Variants in AGBL1 observed in about 807,000 individuals in gnomAD.
The protein encoded by AGBL1 is cytosolic carboxypeptidase 4.
AGBL1 carries 130 observed loss-of-function variants against 118.9 expected under a neutral mutation model. The observed-to-expected ratio is 1.09, with a 90% CI of 0.95 to 1.26. The LOEUF (loss-of-function observed/expected upper bound fraction) is 1.26, where lower values mean the gene tolerates loss of function less well. Among genes scored for constraint, AGBL1 ranks in the 50% most tolerant of loss-of-function variants. The probability of loss-of-function intolerance (pLI) is 0.00; values close to 1 mark genes in which losing one functional copy is unlikely to be tolerated. For missense variants in AGBL1, 1,584 were observed against 1,298.1 expected (o/e 1.22, Z -3.38); for synonymous variants, 555 against 478.9 (o/e 1.16, Z -2.08).
chr15:86,871,964 A>G (rs1398469670), intron 22 of AGBL1, among the ~76,000 whole-genome samples: 2 of 152,394 alleles, frequency 1.3e-5, no homozygotes, highest in African/African-American at 4.8e-5. Context: ...ATATGTTCAC[A>G]TCTGATACTA....
At chr15:86,734,276 C>T (rs1025153043) in intron 22 of AGBL1, among the ~76,000 whole-genome samples, 9 of 152,096 alleles carry the variant, frequency 5.9e-5, no homozygotes, top group Non-Finnish European at 1.2e-4. Flanking sequence ...GTATATATTT[C>T]TGTGTAATAT....
intron 15 of AGBL1, among the ~76,000 whole-genome samples, chr15:86,273,645 G>A (rs2141698222): frequency 6.6e-6 from 1 of 152,154 alleles, no homozygotes; most frequent in East Asian, 1.9e-4. Flanking sequence ...CTTCTCTCCT[G>A]CCTTTATTAT....
intron 22 of AGBL1, among the ~76,000 whole-genome samples, chr15:86,829,398 C>G (rs971175279): frequency 6.6e-6 from 1 of 152,122 alleles, no homozygotes; most frequent in African/African-American, 2.4e-5. Flanking sequence ...TCCACTCATG[C>G]CATATGACCC....
intron 17 of AGBL1, among the ~76,000 whole-genome samples, chr15:86,347,983 G>A (rs2080564423): frequency 6.6e-6 from 1 of 152,158 alleles, no homozygotes; most frequent in African/African-American, 2.4e-5. Flanking sequence ...ACTATTGAAT[G>A]AGAAAAGGCT....
intron 1 of AGBL1, among the ~76,000 whole-genome samples, chr15:86,110,871 C>T (rs1897338641): frequency 1.3e-5 from 2 of 152,172 alleles, no homozygotes; most frequent in Admixed American, 1.3e-4. Flanking sequence ...TACCATCCCT[C>T]CCTCCCTTTC....
rs2080607492 is a variant in AGBL1 at position 86,350,441 on chromosome 15, A to T, written c.2375-46925A>T. On this transcript the variant is annotated intron_variant, in intron 17 of 22. Coordinates refer to ENST00000614907, the MANE Select transcript of AGBL1 (RefSeq NM_001386094.1). ...AGCCCATGTTGTATTGGAACAGAAG[A>T]TATATGAAGATAATATGAAGTGAGC... 2.0e-5 allele frequency among the ~76,000 whole-genome samples: 3 copies of T among 152,204 alleles called. No homozygotes were observed. The South Asian group carries it at 6.2e-4, about 32-fold the overall frequency.
intron 22 of AGBL1, among the ~76,000 whole-genome samples, chr15:86,777,778 T>C (rs2078279778): frequency 1.3e-5 from 2 of 152,204 alleles, no homozygotes; most frequent in Non-Finnish European, 2.9e-5. Context: ...TTCTGTTTTT[T>C]TCTTTTAATT....
At chr15:86,354,563 A>G (rs1395802659) in intron 17 of AGBL1, among the ~76,000 whole-genome samples, 1 of 152,214 alleles carries the variant, frequency 6.6e-6, no homozygotes, top group Admixed American at 6.5e-5. Flanking sequence ...AAAACAGAGG[A>G]GAGACATATT....
At chr15:86,408,269 C>G (rs1596077522) in intron 18 of AGBL1, among the ~76,000 whole-genome samples, 1 of 152,098 alleles carries the variant, frequency 6.6e-6, no homozygotes, top group East Asian at 1.9e-4. Flanking sequence ...ATGCTAATGA[C>G]AAGATGGGGG....
chr15:86,865,190 A>T (rs1482188263), intron 22 of AGBL1, among the ~76,000 whole-genome samples: 7 of 152,202 alleles, frequency 4.6e-5, no homozygotes, highest in Non-Finnish European at 1.0e-4. Context: ...AAGTTTAGGA[A>T]ATGCTTGCAG....
At chr15:86,134,663 G>C (rs975530425) in intron 1 of AGBL1, among the ~76,000 whole-genome samples, 3 of 142,666 alleles carry the variant, frequency 2.1e-5, no homozygotes, top group Non-Finnish European at 4.5e-5. Flanking sequence ...GCCCAGGCTG[G>C]AGTGCAGTGG....
At chr15:86,571,420 A>C (rs564415968) in intron 21 of AGBL1, among the ~76,000 whole-genome samples, 2 of 152,152 alleles carry the variant, frequency 1.3e-5, no homozygotes, top group African/African-American at 4.8e-5. Context: ...GAGCAATGGA[A>C]TAGCTCAGAG....
chr15:86,825,887 GGATAGATAGATAGATAGATAGATA>G (rs61494287), intron 22 of AGBL1, among the ~76,000 whole-genome samples: 126 of 144,230 alleles, frequency 8.7e-4, no homozygotes, highest in Admixed American at 4.7e-3. Flanking sequence ...ATAGATGGAT[GGATAGATAGATAGATAGATAGATA>G]GATAGATAGA....
At chr15:86,473,268 T>C (rs181391617) in intron 18 of AGBL1, among the ~76,000 whole-genome samples, 1 of 152,284 alleles carries the variant, frequency 6.6e-6, no homozygotes, top group East Asian at 1.9e-4. Context: ...GGACTGAATG[T>C]GATAGGAAGA....
chr15:86,133,828 A>G (rs996816022), intron 1 of AGBL1, among the ~76,000 whole-genome samples: 9 of 152,186 alleles, frequency 5.9e-5, no homozygotes, highest in African/African-American at 1.9e-4. Flanking sequence ...AAAATAGTAT[A>G]TGCCATTTAT....
chr15:86,113,191 C>A (rs947636212), intron 1 of AGBL1, among the ~76,000 whole-genome samples: 2 of 142,674 alleles, frequency 1.4e-5, no homozygotes, highest in East Asian at 4.1e-4. Flanking sequence ...GTACCGTTCA[C>A]CTCTTTATTT....
intron 22 of AGBL1, among the ~76,000 whole-genome samples, chr15:86,854,439 CTGA>C (rs1222913023): frequency 1.3e-5 from 2 of 152,308 alleles, no homozygotes; most frequent in Non-Finnish European, 2.9e-5. Context: ...AATTAGCACT[CTGA>C]TGGGTGACAG....
chr15:86,262,753 C>A, intron 9 of AGBL1, 25 bp from the exon 10 acceptor site: 1 of 1,486,156 alleles, frequency 6.7e-7, no homozygotes, highest in Non-Finnish European at 9.3e-7. Context: ...TGACTGTAAT[C>A]TCTTCTATGA....
At chr15:86,137,228 C>G (rs1341045890) in intron 1 of AGBL1, among the ~76,000 whole-genome samples, 1 of 152,178 alleles carries the variant, frequency 6.6e-6, no homozygotes, top group Non-Finnish European at 1.5e-5. Context: ...TGGCTCAGCG[C>G]TAAGTGAGGG....
Sources: allele counts gnomAD v4.1 joint callset (sites outside exome capture counted in the v4.1 genomes callset), GRCh38; gene constraint gnomAD v4.1.1; transcripts MANE v1.5; gene names NCBI Gene and HGNC (gene_info 2026-07-23, HGNC 2026-07-21).